Variants in CALCR observed in about 807,000 individuals in gnomAD.
CALCR encodes the protein calcitonin receptor.
A neutral mutation model predicts 59.5 loss-of-function variants in CALCR; 47 were observed. The ratio of observed to expected loss-of-function variants is 0.79; its 90% CI spans 0.63 to 1.01. The LOEUF is 1.01. Ranked by LOEUF, CALCR falls within the 50% of genes least tolerant of loss-of-function variation. CALCR has a pLI of 0.00. For synonymous variants in CALCR, 213 were observed against 211.3 expected (o/e 1.01, Z -0.07); for missense variants, 566 against 597.1 (o/e 0.95, Z 0.54).
chr7:93,506,443 A>T, intron 2 of CALCR, among the ~76,000 whole-genome samples: 1 of 152,182 alleles, frequency 6.6e-6, no homozygotes, highest in East Asian at 1.9e-4. Flanking sequence ...AAGAGCAGTC[A>T]CAGAGGTAGT....
chr7:93,564,861 T>G (rs530236281), intron 2 of CALCR, among the ~76,000 whole-genome samples: 1 of 151,996 alleles, frequency 6.6e-6, no homozygotes, highest in African/African-American at 2.4e-5. Flanking sequence ...AATTTTGAAG[T>G]AGGGACAAAG....
At chr7:93,442,836 CT>C (rs779662357) in intron 9 of CALCR, among the ~76,000 whole-genome samples, 7 of 151,772 alleles carry the variant, frequency 4.6e-5, no homozygotes, top group South Asian at 2.1e-4. Context: ...AAGGCTGAAA[CT>C]TTTTTTTTGA....
At chr7:93,524,719 ATGTG>A (rs981809068) in intron 2 of CALCR, among the ~76,000 whole-genome samples, 2 of 152,128 alleles carry the variant, frequency 1.3e-5, no homozygotes, top group African/African-American at 4.8e-5. Context: ...ATATGTGTAT[ATGTG>A]TGTAATTTTT....
rs189346877 is a variant in CALCR, at chr7:93,524,231, A to G, written c.-26-37224T>C. Among the ~76,000 whole-genome samples the G allele has an allele frequency of 7.3e-3, 1,077 of 146,832 alleles. 6 individuals carry two copies. Among genetic ancestry groups the G allele is most frequent in the Middle Eastern group, 0.018 (5 of 280 alleles). On this transcript the variant is annotated intron_variant, in intron 2 of 13. Coordinates refer to ENST00000426151, the MANE Select transcript of CALCR (RefSeq NM_001742.4). ...GTTGCCCAGGCTGGAGTGCAGTGGC[A>G]TGATCTCAGCTCACTGCAAGCTCCG...
intron 2 of CALCR, among the ~76,000 whole-genome samples, chr7:93,542,880 A>G (rs548901020): frequency 6.6e-6 from 1 of 152,056 alleles, no homozygotes; most frequent in South Asian, 2.1e-4. Flanking sequence ...AAACACATGG[A>G]GTTGTCATCT....
At chr7:93,549,121 A>T (rs1039984972) in intron 2 of CALCR, among the ~76,000 whole-genome samples, 13 of 152,138 alleles carry the variant, frequency 8.5e-5, no homozygotes, top group African/African-American at 2.9e-4. Flanking sequence ...CAATTATTCA[A>T]TGAAGGATGT....
At chr7:93,499,398 A>C (rs1801275588) in intron 2 of CALCR, among the ~76,000 whole-genome samples, 1 of 151,824 alleles carries the variant, frequency 6.6e-6, no homozygotes, top group African/African-American at 2.4e-5. Flanking sequence ...AAAATTCTGC[A>C]ACCATGGATC....
chr7:93,533,393 T>C (rs1429414070), intron 2 of CALCR, among the ~76,000 whole-genome samples: 1 of 151,954 alleles, frequency 6.6e-6, no homozygotes, highest in Admixed American at 6.6e-5. Context: ...ATTTTATTTT[T>C]GCAAAAAGTT....
intron 2 of CALCR, among the ~76,000 whole-genome samples, chr7:93,544,295 A>G (rs1418299354): frequency 6.6e-6 from 1 of 152,150 alleles, no homozygotes; most frequent in Non-Finnish European, 1.5e-5. Context: ...GTCTCCATAT[A>G]CTAGCTAAGG....
At chr7:93,454,775 A>T (rs753455924) in intron 8 of CALCR, among the ~76,000 whole-genome samples, 1 of 151,958 alleles carries the variant, frequency 6.6e-6, no homozygotes, top group African/African-American at 2.4e-5. Flanking sequence ...AAAAAAGAAC[A>T]TGGAAGGAAT....
chr7:93,562,889 G>T (rs1789780289), intron 2 of CALCR, among the ~76,000 whole-genome samples: 1 of 152,038 alleles, frequency 6.6e-6, no homozygotes, highest in Non-Finnish European at 1.5e-5. Context: ...CAATGAAAGG[G>T]AAAAAGCTTT....
At chr7:93,535,045 C>T (rs1788949677) in intron 2 of CALCR, among the ~76,000 whole-genome samples, 1 of 151,642 alleles carries the variant, frequency 6.6e-6, no homozygotes. Flanking sequence ...AGCTGTGATG[C>T]TAATCTTCCC....
intron 2 of CALCR, among the ~76,000 whole-genome samples, chr7:93,504,260 C>A (rs1274946288): frequency 1.3e-5 from 2 of 152,130 alleles, no homozygotes; most frequent in African/African-American, 2.4e-5. Flanking sequence ...GGGAAAAAAA[C>A]CAACAAATTC....
chr7:93,501,362 A>G (rs1398718974), intron 2 of CALCR, among the ~76,000 whole-genome samples: 1 of 152,108 alleles, frequency 6.6e-6, no homozygotes, highest in Non-Finnish European at 1.5e-5. Context: ...AAATTGGCAC[A>G]TTATAATTTT....
At chr7:93,431,016 G>C (rs1799647815) in intron 13 of CALCR, among the ~76,000 whole-genome samples, 1 of 152,130 alleles carries the variant, frequency 6.6e-6, no homozygotes, top group African/African-American at 2.4e-5. Flanking sequence ...AAATCTTACT[G>C]GTCTGCAGAT....
chr7:93,567,530 A>T (rs1360101162), intron 2 of CALCR, among the ~76,000 whole-genome samples: 1 of 150,442 alleles, frequency 6.6e-6, no homozygotes, highest in Non-Finnish European at 1.5e-5. Flanking sequence ...AAATTTATCT[A>T]TGCAAATTTT....
At chr7:93,546,507 G>T (rs914088213) in intron 2 of CALCR, among the ~76,000 whole-genome samples, 1 of 151,928 alleles carries the variant, frequency 6.6e-6, no homozygotes, top group African/African-American at 2.4e-5. Flanking sequence ...AGCCTGAAAT[G>T]GTGGCTTCCC....
chr7:93,566,212 C>T (rs1789860340), intron 2 of CALCR, among the ~76,000 whole-genome samples: 1 of 152,098 alleles, frequency 6.6e-6, no homozygotes, highest in Non-Finnish European at 1.5e-5. Flanking sequence ...CAATAAAAAC[C>T]TATGAAATCC....
At chr7:93,512,112 T>C (rs911188917) in intron 2 of CALCR, among the ~76,000 whole-genome samples, 1 of 152,200 alleles carries the variant, frequency 6.6e-6, no homozygotes, top group Non-Finnish European at 1.5e-5. Context: ...CCATTAACTA[T>C]GGCCTCTTCA....
Sources: allele counts gnomAD v4.1 joint callset (sites outside exome capture counted in the v4.1 genomes callset), GRCh38; gene constraint gnomAD v4.1.1; transcripts MANE v1.5; gene names NCBI Gene and HGNC (gene_info 2026-07-23, HGNC 2026-07-21).